Variants in EPHA6 observed in about 807,000 individuals in gnomAD.
EPHA6 encodes EPH receptor A6, also known as ephrin type-A receptor 6.
A neutral mutation model predicts 112.0 loss-of-function variants in EPHA6; 50 were observed. The observed-to-expected ratio is 0.45, with a 90% CI of 0.36 to 0.56. The LOEUF is 0.56. EPHA6 is among the 20% of genes least tolerant of loss of function. The pLI, the probability that EPHA6 is intolerant of heterozygous loss-of-function variation, is 0.00. For synonymous variants in EPHA6, 529 were observed against 490.7 expected (o/e 1.08, Z -1.03); for missense variants, 1,280 against 1,417.4 (o/e 0.90, Z 1.56).
chr3:97,409,276 G>A (rs925608155), intron 6 of EPHA6, among the ~76,000 whole-genome samples: 2 of 152,086 alleles, frequency 1.3e-5, no homozygotes, highest in South Asian at 2.1e-4. Flanking sequence ...CTTATCCTTA[G>A]TGCTCAGAGA....
chr3:97,481,191 A>G, intron 9 of EPHA6: 1 of 1,060,922 alleles, frequency 9.4e-7, no homozygotes, highest in Non-Finnish European at 1.5e-6. Context: ...CAATTTCCTC[A>G]TGAAGTACTG....
chr3:96,982,993 C>A (rs1053051688), intron 2 of EPHA6, among the ~76,000 whole-genome samples: 1 of 152,048 alleles, frequency 6.6e-6, no homozygotes, highest in African/African-American at 2.4e-5. Flanking sequence ...ACTGATGGGT[C>A]TTGACTTTAT....
At chr3:97,737,417 A>T (rs889991400) in intron 16 of EPHA6, among the ~76,000 whole-genome samples, 3 of 152,088 alleles carry the variant, frequency 2.0e-5, no homozygotes, top group Admixed American at 1.3e-4. Flanking sequence ...GGGGGTCAGA[A>T]GATAAGAGAA....
At chr3:96,970,154 A>T (rs1486401772) in intron 2 of EPHA6, among the ~76,000 whole-genome samples, 1 of 151,816 alleles carries the variant, frequency 6.6e-6, no homozygotes, top group Non-Finnish European at 1.5e-5. Context: ...AGCAGCCTGA[A>T]TATTACTTCA....
At chr3:97,417,260 G>T (rs1294426445) in intron 6 of EPHA6, among the ~76,000 whole-genome samples, 2 of 152,018 alleles carry the variant, frequency 1.3e-5, no homozygotes, top group African/African-American at 4.8e-5. Context: ...CTCCATGTTG[G>T]GTTCTAAGTC....
At chr3:97,414,652 T>C (rs574066883) in intron 6 of EPHA6, among the ~76,000 whole-genome samples, 2 of 152,218 alleles carry the variant, frequency 1.3e-5, no homozygotes, top group East Asian at 1.9e-4. Context: ...CCTAAGTCTG[T>C]ATTCTGCTTC....
chr3:97,147,334 C>G (rs114233586), intron 3 of EPHA6, among the ~76,000 whole-genome samples: 2,041 of 152,134 alleles, frequency 0.013, 40 homozygotes, highest in African/African-American at 0.044. Context: ...CAGACATTAA[C>G]CCCCCATGCA....
At chr3:97,553,893 A>G (rs531531476) in intron 11 of EPHA6, among the ~76,000 whole-genome samples, 1 of 152,254 alleles carries the variant, frequency 6.6e-6, no homozygotes, top group African/African-American at 2.4e-5. Flanking sequence ...CTCTAGAAAC[A>G]TAATTTCTTT....
chr3:96,844,628 T>G (rs984172273), intron 1 of EPHA6, among the ~76,000 whole-genome samples: 6 of 151,956 alleles, frequency 3.9e-5, no homozygotes, highest in African/African-American at 1.4e-4. Flanking sequence ...AACAGTGAAA[T>G]TATGATGAAA....
At chr3:97,208,914 A>G (rs752351348) in intron 3 of EPHA6, among the ~76,000 whole-genome samples, 1 of 152,170 alleles carries the variant, frequency 6.6e-6, no homozygotes, top group Non-Finnish European at 1.5e-5. Context: ...GATTCGATTA[A>G]AAAGCTTAGA....
intron 1 of EPHA6, among the ~76,000 whole-genome samples, chr3:96,838,260 T>C (rs747887322): frequency 6.6e-6 from 1 of 152,160 alleles, no homozygotes; most frequent in South Asian, 2.1e-4. Flanking sequence ...TAGTATTCCA[T>C]GGTGTATATG....
intron 5 of EPHA6, among the ~76,000 whole-genome samples, chr3:97,347,438 G>A (rs1044668795): frequency 1.3e-5 from 2 of 151,838 alleles, no homozygotes; most frequent in Admixed American, 1.3e-4. Flanking sequence ...CAGAGTAAAT[G>A]TACAAAAAAA....
At chr3:97,121,027 A>C (rs142391065) in intron 3 of EPHA6, among the ~76,000 whole-genome samples, 5 of 152,052 alleles carry the variant, frequency 3.3e-5, no homozygotes, top group Admixed American at 6.6e-5. Context: ...AGCTATTCAG[A>C]GAAAACAGAA....
At chr3:97,593,548 TA>T (rs1157556949) in intron 12 of EPHA6, among the ~76,000 whole-genome samples, 1 of 152,214 alleles carries the variant, frequency 6.6e-6, no homozygotes, top group Non-Finnish European at 1.5e-5. Flanking sequence ...ATAATAATGC[TA>T]AAAAATTATT....
intron 2 of EPHA6, among the ~76,000 whole-genome samples, chr3:96,873,196 G>A (rs1461473828): frequency 6.6e-6 from 1 of 151,802 alleles, no homozygotes; most frequent in Non-Finnish European, 1.5e-5. Context: ...ATTGGGAGGT[G>A]GAGGTTGCAG....
chr3:97,281,682 A>G (rs1202525390), intron 5 of EPHA6, among the ~76,000 whole-genome samples: 4 of 152,168 alleles, frequency 2.6e-5, no homozygotes, highest in Admixed American at 2.6e-4. Context: ...TGTATGTTAC[A>G]TTTATTCAGT....
chr3:97,669,432 C>T (rs1373228907), intron 14 of EPHA6, among the ~76,000 whole-genome samples: 1 of 151,698 alleles, frequency 6.6e-6, no homozygotes. Context: ...AGAGTAGTCT[C>T]TAGACCACCT....
rs2035911096 is a variant in EPHA6, at chr3:97,751,913, G to A, written c.*3212G>A. Among the ~76,000 whole-genome samples the A allele has an allele frequency of 6.6e-6, 1 of 152,006 alleles. No homozygotes were observed. On this transcript the variant is annotated 3_prime_UTR_variant, in exon 18 of 18. Coordinates refer to ENST00000389672, the MANE Select transcript of EPHA6 (RefSeq NM_001080448.3). ...TTCTAGATGGTCAATTTTGTCTATGGTGAACTCATTATCTCATAGTAGAAG... is the reference window on the plus strand; with the variant it reads ...TTCTAGATGGTCAATTTTGTCTATGATGAACTCATTATCTCATAGTAGAAG...
chr3:97,313,166 T>G (rs1209724853), intron 5 of EPHA6, among the ~76,000 whole-genome samples: 1 of 151,580 alleles, frequency 6.6e-6, no homozygotes, highest in Non-Finnish European at 1.5e-5. Flanking sequence ...GATTATATGG[T>G]ATTTGTGTTT....
Sources: gnomAD v4.1 joint callset for allele counts (sites outside exome capture counted in the v4.1 genomes callset) on GRCh38, gnomAD v4.1.1 for gene constraint, MANE v1.5 for transcripts, NCBI Gene and HGNC (gene_info 2026-07-23, HGNC 2026-07-21) for gene names.